The following SLC35F3 variants were observed in gnomAD, a reference collection of about 807,000 sequenced individuals.
SLC35F3 encodes the protein putative thiamine transporter SLC35F3.
A neutral mutation model predicts 49.9 loss-of-function variants in SLC35F3; 25 were observed. The ratio of observed to expected loss-of-function variants is 0.50; its 90% CI spans 0.37 to 0.70. The LOEUF (loss-of-function observed/expected upper bound fraction) is 0.70, where lower values mean the gene tolerates loss of function less well. Ranked by LOEUF, SLC35F3 falls within the 30% of genes least tolerant of loss-of-function variation. SLC35F3 has a pLI of 0.00. For missense variants in SLC35F3, 525 were observed against 639.8 expected (o/e 0.82, Z 1.94); for synonymous variants, 275 against 265.4 (o/e 1.04, Z -0.35).
At chr1:234,206,781 T>C (rs1446345858) in intron 2 of SLC35F3, among the ~76,000 whole-genome samples, 1 of 152,130 alleles carries the variant, frequency 6.6e-6, no homozygotes, top group East Asian at 1.9e-4. Flanking sequence ...GAGACCCCTA[T>C]CTCAGAGATC....
At chr1:234,072,853 G>C (rs1195498254) in intron 2 of SLC35F3, among the ~76,000 whole-genome samples, 1 of 152,220 alleles carries the variant, frequency 6.6e-6, no homozygotes, top group Non-Finnish European at 1.5e-5. Flanking sequence ...GCTTGGCATG[G>C]AGAGATGGGA....
At chr1:233,968,231 G>A (rs1662932040) in intron 2 of SLC35F3, among the ~76,000 whole-genome samples, 1 of 152,164 alleles carries the variant, frequency 6.6e-6, no homozygotes, top group Admixed American at 6.5e-5. Flanking sequence ...TTCTGCCTGA[G>A]TGTCTGAGTC....
chr1:233,930,849 C>T (rs942400355), intron 2 of SLC35F3, among the ~76,000 whole-genome samples: 1 of 152,196 alleles, frequency 6.6e-6, no homozygotes, highest in African/African-American at 2.4e-5. Flanking sequence ...TAAAATTCTT[C>T]ATCCTTGTCA....
rs563918632 is a variant in SLC35F3 at position 234,231,643 on chromosome 1, G to A, written c.510G>A (p.Thr170=). Reference sequence around the variant, plus strand: ...AGTTCGACGCGCCCTTCACCCTCACGTGGTTTGCCACCAACTGGAACTTTT... The same window carrying A: ...AGTTCGACGCGCCCTTCACCCTCACATGGTTTGCCACCAACTGGAACTTTT... ...FRKFDAPFTL[T]WFATNWNFLF... The change falls in exon 3 of 8, where the codon ACG becomes ACA. Residue 170 remains threonine, a synonymous_variant. Coordinates refer to ENST00000366618, the MANE Select transcript of SLC35F3 (RefSeq NM_173508.4). This position sits in a 1 kb window ranked among gnomAD's most constrained non-coding sequence, Gnocchi z 5.4. 1.2e-6 allele frequency: 2 copies of A among 1,614,088 alleles called. No individual in the cohort carries two copies. The highest frequency in any genetic ancestry group is 2.7e-5 in the African/African-American group (2 of 74,932).
At chr1:234,204,359 C>A (rs1426271172) in intron 2 of SLC35F3, among the ~76,000 whole-genome samples, 8 of 151,942 alleles carry the variant, frequency 5.3e-5, no homozygotes, top group Non-Finnish European at 7.4e-5. Context: ...TTGACAAAAA[C>A]CCAAAAACAA....
At chr1:233,929,066 C>A (rs1225291762) in intron 2 of SLC35F3, among the ~76,000 whole-genome samples, 1 of 152,174 alleles carries the variant, frequency 6.6e-6, no homozygotes, top group African/African-American at 2.4e-5. Flanking sequence ...GTCTCATGGT[C>A]AACCCCAAGT....
At chr1:234,139,951 T>TAATAA (rs1553308858) in intron 2 of SLC35F3, among the ~76,000 whole-genome samples, 11,378 of 90,508 alleles carry the variant, frequency 0.13, 1,478 homozygotes, top group South Asian at 0.17. Context: ...CATCTCAAAA[T>TAATAA]AATAAAATAA....
intron 2 of SLC35F3, among the ~76,000 whole-genome samples, chr1:234,196,316 G>A (rs1320059358): frequency 6.6e-6 from 1 of 152,232 alleles, no homozygotes; most frequent in Non-Finnish European, 1.5e-5. Context: ...AAATATGGCT[G>A]CAGAACTGCC....
At chr1:234,034,918 T>A (rs1664119120) in intron 2 of SLC35F3, among the ~76,000 whole-genome samples, 2 of 152,222 alleles carry the variant, frequency 1.3e-5, no homozygotes, top group African/African-American at 4.8e-5. Context: ...TGGTTTTCTA[T>A]GACCCTATCA....
At chr1:234,193,491 C>A (rs1265838896) in intron 2 of SLC35F3, among the ~76,000 whole-genome samples, 1 of 152,142 alleles carries the variant, frequency 6.6e-6, no homozygotes, top group Non-Finnish European at 1.5e-5. Context: ...TATAAAAATT[C>A]TAGAAGATAA....
At chr1:234,167,486 A>G (rs970512805) in intron 2 of SLC35F3, among the ~76,000 whole-genome samples, 1 of 152,202 alleles carries the variant, frequency 6.6e-6, no homozygotes, top group Non-Finnish European at 1.5e-5. Flanking sequence ...TCCCATGACA[A>G]GTCAATCAAA....
chr1:234,268,116 G>T (rs1046805787), intron 3 of SLC35F3, among the ~76,000 whole-genome samples: 1 of 152,118 alleles, frequency 6.6e-6, no homozygotes. Flanking sequence ...CTGGGAGGTG[G>T]AGGTTGTAGC....
At chr1:234,064,349 A>C (rs1338341152) in intron 2 of SLC35F3, among the ~76,000 whole-genome samples, 1 of 152,230 alleles carries the variant, frequency 6.6e-6, no homozygotes, top group African/African-American at 2.4e-5. Flanking sequence ...GGTTAATTTA[A>C]TATTTAAGAG....
chr1:233,922,486 CTTTTTTT>C (rs35271789), intron 2 of SLC35F3, among the ~76,000 whole-genome samples: 13 of 112,340 alleles, frequency 1.2e-4, no homozygotes, highest in African/African-American at 3.9e-4. Context: ...TTTTGATGGC[CTTTTTTT>C]TTTTTTTTTT....
At chr1:234,080,494 G>T (rs780484412) in intron 2 of SLC35F3, among the ~76,000 whole-genome samples, 2 of 152,080 alleles carry the variant, frequency 1.3e-5, no homozygotes, top group Non-Finnish European at 2.9e-5. Context: ...CCCAACTGAT[G>T]AATGAATAAA....
intron 2 of SLC35F3, among the ~76,000 whole-genome samples, chr1:234,129,578 GACAA>G (rs1163148612): frequency 6.6e-6 from 1 of 152,172 alleles, no homozygotes; most frequent in African/African-American, 2.4e-5. Flanking sequence ...TTAGGAGATT[GACAA>G]ACAGATTCTG....
chr1:234,018,182 A>T (rs1467438496), intron 2 of SLC35F3, among the ~76,000 whole-genome samples: 1 of 152,224 alleles, frequency 6.6e-6, no homozygotes, highest in Non-Finnish European at 1.5e-5. Context: ...CTGGGGATAG[A>T]CATAAATTTT....
intron 2 of SLC35F3, among the ~76,000 whole-genome samples, chr1:234,110,199 A>G (rs981329973): frequency 2.0e-5 from 3 of 152,200 alleles, no homozygotes; most frequent in Non-Finnish European, 2.9e-5. Context: ...ACGGAGGAGG[A>G]AGATCACTTC....
chr1:234,065,354 A>G (rs1404896673), intron 2 of SLC35F3, among the ~76,000 whole-genome samples: 1 of 152,136 alleles, frequency 6.6e-6, no homozygotes, highest in Non-Finnish European at 1.5e-5. Flanking sequence ...TCACCGTGTT[A>G]GCCAGGCTGT....
Sources: allele counts gnomAD v4.1 joint callset (sites outside exome capture counted in the v4.1 genomes callset), GRCh38; gene constraint gnomAD v4.1.1; non-coding constraint Gnocchi (gnomAD v3.1); transcripts MANE v1.5; gene names NCBI Gene and HGNC (gene_info 2026-07-23, HGNC 2026-07-21).